The following RPTOR variants were observed in gnomAD, a reference collection of about 807,000 sequenced individuals.
The protein encoded by RPTOR is regulatory associated protein of MTOR complex 1, also known as regulatory-associated protein of mTOR.
In RPTOR, 21 loss-of-function variants were observed where a neutral mutation model predicts 169.9. That is an observed-to-expected ratio of 0.12 (90% confidence interval 0.09 to 0.18). The LOEUF (loss-of-function observed/expected upper bound fraction) is 0.18, where lower values mean the gene tolerates loss of function less well. RPTOR is among the 10% of genes least tolerant of loss of function. The pLI is 1.00. For synonymous variants in RPTOR, 732 were observed against 753.2 expected, an observed-to-expected ratio of 0.97 and a Z score of 0.46; for missense variants, 1,133 against 1,855.9, an observed-to-expected ratio of 0.61 and a Z score of 7.16.
rs769317295 is a variant in RPTOR, at chr17:80,885,029, G to A, written c.1864G>A (p.Ala622Thr). ...IPEVRCAAVF[A>T]LGTFVGNSAE... Reference sequence around the variant, plus strand: ...GCAGGTCCGCTGCGCAGCGGTCTTCGCCCTTGGCACGTTCGTGGGCAACTC... The same window carrying A: ...GCAGGTCCGCTGCGCAGCGGTCTTCACCCTTGGCACGTTCGTGGGCAACTC... The change falls in exon 17 of 34, where the codon GCC becomes ACC. Residue 622 changes from alanine (A) to threonine (T), a missense_variant. By Grantham distance (58) the Ala-to-Thr change is moderately conservative. Transcript: ENST00000306801. 28 of 1,609,646 alleles carry A rather than the reference G, an allele frequency of 1.7e-5. No homozygotes were observed. Among genetic ancestry groups the A allele is most frequent in the Admixed American group, 8.4e-5 (5 of 59,556 alleles).
chr17:80,842,469 T>A (rs540115859), intron 10 of RPTOR, among the ~76,000 whole-genome samples: 2 of 152,316 alleles, frequency 1.3e-5, no homozygotes, highest in Non-Finnish European at 2.9e-5. Context: ...GGTCCCAGGG[T>A]TTGCCCATAT....
rs558894268 is a variant in RPTOR, at chr17:80,622,873, G to A, written c.163-2818G>A. ...AGCCAAGATTATGTCGCTGCACTCC[G>A]GCATGGGTGACAGAGTGAGACCCCA... On this transcript the variant is annotated intron_variant, in intron 1 of 33. Transcript: ENST00000306801. Among the ~76,000 whole-genome samples the A allele has an allele frequency of 6.9e-4, 105 of 152,172 alleles. 2 individuals carry two copies. The highest frequency in any genetic ancestry group is 2.4e-3 in the African/African-American group (98 of 41,494).
At position 80,633,363 on chromosome 17, in the gene RPTOR, G is replaced by A. The variant is rs943868862; in HGVS notation, c.265+7570G>A. On this transcript the variant is annotated intron_variant, in intron 2 of 33. Transcript: ENST00000306801. The surrounding 1 kb of genome is among the most constrained non-coding windows in gnomAD (Gnocchi z 4.1). ...GTGTCCCAGGAATGTCCTTTGTAGC[G>A]CCAGGATCCTGCTCAGCCATGCGCC... is the stretch of plus-strand genomic sequence containing the variant. 9.9e-5 allele frequency among the ~76,000 whole-genome samples: 15 copies of A among 152,180 alleles called. No homozygotes were observed. Among genetic ancestry groups the A allele is most frequent in the Admixed American group, 7.2e-4 (11 of 15,284 alleles).
chr17:80,937,400 G>T (rs1345420626), intron 24 of RPTOR, among the ~76,000 whole-genome samples: 1 of 152,104 alleles, frequency 6.6e-6, no homozygotes, highest in African/African-American at 2.4e-5. Context: ...CCAAACTGCT[G>T]CTTTCCCGTA....
intron 20 of RPTOR, among the ~76,000 whole-genome samples, chr17:80,903,728 A>G (rs548974921): frequency 5.9e-5 from 9 of 152,288 alleles, no homozygotes; most frequent in African/African-American, 2.2e-4. Flanking sequence ...GTGCAGCTCC[A>G]GAGACCCCCA....
intron 13 of RPTOR, among the ~76,000 whole-genome samples, chr17:80,865,363 G>A (rs1162483837): frequency 1.3e-5 from 2 of 152,194 alleles, no homozygotes; most frequent in Non-Finnish European, 2.9e-5. Context: ...GAGGCCACCA[G>A]GTTGAAGAGC....
In RPTOR at chr17:80,730,821, C is replaced by A; in HGVS notation, c.654+115C>A. 1 of 1,110,924 alleles carries A rather than the reference C, an allele frequency of 9.0e-7. No homozygotes were observed. Among genetic ancestry groups the A allele is most frequent in the Non-Finnish European group, 1.3e-6 (1 of 762,796 alleles). 68.8% of individuals were successfully genotyped at this position (1,110,924 alleles called of 1,614,324 possible). ...GACATCCTCTGAATGGAGCAGGGCT[C>A]AGAATGCCAAGGGCAGGATGGCATA... On this transcript the variant is annotated intron_variant, in intron 5 of 33. Transcript: ENST00000306801. This position sits in a 1 kb window ranked among gnomAD's most constrained non-coding sequence, Gnocchi z 4.2.
chr17:80,732,965 A>C (rs1274119457), intron 5 of RPTOR, among the ~76,000 whole-genome samples: 1 of 152,238 alleles, frequency 6.6e-6, no homozygotes, highest in Non-Finnish European at 1.5e-5. Flanking sequence ...TCCAGGGTTT[A>C]AAAAATAAAC....
intron 28 of RPTOR, among the ~76,000 whole-genome samples, chr17:80,952,819 G>A (rs1325710669): frequency 1.3e-5 from 2 of 150,086 alleles, no homozygotes; most frequent in African/African-American, 4.9e-5. Flanking sequence ...GCAGAGCCCA[G>A]ACCCATGCAT....
At chr17:80,592,364 A>G (rs1036144404) in intron 1 of RPTOR, among the ~76,000 whole-genome samples, 3 of 152,154 alleles carry the variant, frequency 2.0e-5, no homozygotes, top group South Asian at 4.1e-4. Context: ...GACTAGAGTA[A>G]GGGATCGTAG....
chr17:80,749,987 A>T (rs578175713), intron 5 of RPTOR, among the ~76,000 whole-genome samples: 1 of 152,136 alleles, frequency 6.6e-6, no homozygotes, highest in South Asian at 2.1e-4. Context: ...AGAAGCCAGG[A>T]CTACAGGCAT....
At chr17:80,607,371 A>G (rs1307425478) in intron 1 of RPTOR, among the ~76,000 whole-genome samples, 1 of 152,198 alleles carries the variant, frequency 6.6e-6, no homozygotes, top group African/African-American at 2.4e-5. Flanking sequence ...TGGATCATTT[A>G]GTGGTTTTAA....
chr17:80,895,405 T>TGGACTGC lies in RPTOR; in HGVS notation c.2401+1541_2401+1547dup, dbSNP rs376610833. 5.8e-4 allele frequency among the ~76,000 whole-genome samples: 88 copies of TGGACTGC among 152,350 alleles called. 1 individual carries two copies. The highest frequency in any genetic ancestry group is 3.4e-3 in the Middle Eastern group (1 of 294). ...TGCTTTATTTTTCTCCTGAGGACTGTGGACTGCAGACGTGCTGTACGTGTA... is the reference window on the plus strand; with the variant it reads ...TGCTTTATTTTTCTCCTGAGGACTGTGGACTGCGGACTGCAGACGTGCTGTACGTGTA... On this transcript the variant is annotated intron_variant, in intron 20 of 33. Transcript: ENST00000306801.
At position 80,959,950 on chromosome 17, in the gene RPTOR, G is replaced by T; in HGVS notation, c.3478-128G>T. On this transcript the variant is annotated intron_variant, in intron 29 of 33. Transcript: ENST00000306801. This position sits in a 1 kb window ranked among gnomAD's most constrained non-coding sequence, Gnocchi z 6.7. ...GATGCTTCCCTGGATAGAGAGAAAG[G>T]CCCCTGCAGCCAGGGAGGGTGATCC... 1.8e-6 allele frequency: 2 copies of T among 1,120,798 alleles called. No individual in the cohort carries two copies. The highest frequency in any genetic ancestry group is 1.4e-5 in the South Asian group (1 of 70,248). 69.4% of individuals were successfully genotyped at this position (1,120,798 alleles called of 1,614,324 possible). A position where few individuals can be genotyped will look rare whatever the true frequency, so the allele number is the denominator to read the frequency against.
rs1434479264 is a variant in RPTOR at position 80,845,203 on chromosome 17, C to T, written c.1213-1270C>T. Among the ~76,000 whole-genome samples the T allele has an allele frequency of 2.0e-5, 3 of 152,162 alleles. No individual in the cohort carries two copies. Among genetic ancestry groups the T allele is most frequent in the Non-Finnish European group, 4.4e-5 (3 of 68,024 alleles). Reference sequence around the variant, plus strand: ...CTCCATGGCACCCAGGCGAATCCCCCTCCACTCTGTGCCTGCACTCACGTG... The same window carrying T: ...CTCCATGGCACCCAGGCGAATCCCCTTCCACTCTGTGCCTGCACTCACGTG... On this transcript the variant is annotated intron_variant, in intron 10 of 33. Transcript: ENST00000306801. This position sits in a 1 kb window ranked among gnomAD's most constrained non-coding sequence, Gnocchi z 5.4.
intron 21 of RPTOR, among the ~76,000 whole-genome samples, chr17:80,913,970 A>C (rs2068642113): frequency 6.6e-6 from 1 of 152,386 alleles, no homozygotes; most frequent in South Asian, 2.1e-4. Flanking sequence ...ACGTGTGAGC[A>C]TAAATGCACA....
chr17:80,955,496 A>G (rs2069236517), intron 28 of RPTOR, among the ~76,000 whole-genome samples: 1 of 152,376 alleles, frequency 6.6e-6, no homozygotes, highest in East Asian at 1.9e-4. Context: ...AACAGTGAGG[A>G]ACAAAAAGAC....
chr17:80,933,514 T>A (rs1402494974), intron 24 of RPTOR, among the ~76,000 whole-genome samples: 1 of 152,176 alleles, frequency 6.6e-6, no homozygotes, highest in Non-Finnish European at 1.5e-5. Context: ...CATTCATAGG[T>A]CAGAAGACTA....
intron 9 of RPTOR, among the ~76,000 whole-genome samples, chr17:80,831,960 G>A (rs937501265): frequency 2.0e-5 from 3 of 152,218 alleles, no homozygotes; most frequent in African/African-American, 4.8e-5. Flanking sequence ...TTAGGGAGGC[G>A]TAACCACACA....
Sources: allele counts gnomAD v4.1 joint callset (sites outside exome capture counted in the v4.1 genomes callset), GRCh38; gene constraint gnomAD v4.1.1; non-coding constraint Gnocchi (gnomAD v3.1); transcripts MANE v1.5; gene names NCBI Gene and HGNC (gene_info 2026-07-23, HGNC 2026-07-21).